Variants in WDR4 observed in about 807,000 individuals in gnomAD.
The protein encoded by WDR4 is tRNA (guanine-N(7)-)-methyltransferase non-catalytic subunit WDR4.
Under a neutral mutation model 48.6 loss-of-function variants are expected in WDR4, and 47 were observed. The observed-to-expected ratio is 0.97, with a 90% CI of 0.77 to 1.23. The LOEUF is 1.23. WDR4 is among the 50% of genes most tolerant of loss of function. The pLI is 0.00. For synonymous variants in WDR4, 268 were observed against 230.0 expected (o/e 1.17, Z -1.49); for missense variants, 606 against 551.6 (o/e 1.10, Z -0.99).
At chr21:42,866,813 C>T (rs186564012) in intron 3 of WDR4, among the ~76,000 whole-genome samples, 76 of 152,220 alleles carry the variant, frequency 5.0e-4, no homozygotes, top group African/African-American at 1.8e-3. Flanking sequence ...GTTCACAAAC[C>T]CACAATTCTA....
rs750545087 is a variant in WDR4 at position 42,860,027 on chromosome 21, C to T, written c.567-305G>A. ...CCAGAGACCCAAGCGCCTCTGTGCC[C>T]CTCTGCAGCCCCCTCTGCAGCAGCT... is the stretch of plus-strand genomic sequence containing the variant. On this transcript the variant is annotated intron_variant, in intron 5 of 10. Coordinates refer to ENST00000398208, the MANE Select transcript of WDR4 (RefSeq NM_018669.6). 7.9e-5 allele frequency among the ~76,000 whole-genome samples: 12 copies of T among 152,250 alleles called. No homozygotes were observed. The South Asian group carries it at 2.3e-3, about 29-fold the overall frequency.
At chr21:42,857,675 G>A (rs1356026830) in intron 6 of WDR4, among the ~76,000 whole-genome samples, 2 of 152,138 alleles carry the variant, frequency 1.3e-5, no homozygotes, top group Non-Finnish European at 2.9e-5. Context: ...AAGAACTAAA[G>A]ATTCAAAATA....
rs111650654 is a variant in WDR4 at position 42,863,845 on chromosome 21, A to G, written c.297-249T>C. 2.0e-3 allele frequency among the ~76,000 whole-genome samples: 304 copies of G among 149,924 alleles called. 1 individual carries two copies. Among genetic ancestry groups the G allele is most frequent in the African/African-American group, 3.2e-3 (130 of 40,152 alleles). On this transcript the variant is annotated intron_variant, in intron 3 of 10. Coordinates refer to ENST00000398208, the MANE Select transcript of WDR4 (RefSeq NM_018669.6). ...CTCCTAGCCGGGCGCAGTGGCTCAC[A>G]CCTGTAATCCCAGCACTTTGGGAGG...
intron 3 of WDR4, among the ~76,000 whole-genome samples, chr21:42,869,233 G>C (rs1011797758): frequency 2.6e-5 from 4 of 152,166 alleles, no homozygotes; most frequent in Non-Finnish European, 5.9e-5. Context: ...GGATAAAAAA[G>C]GCAAAAGGTA....
rs939897734 is a variant in WDR4, at chr21:42,849,861, G to C, written c.*188C>G. 7.5e-6 allele frequency: 5 copies of C among 662,840 alleles called. No homozygotes were observed. Among genetic ancestry groups the C allele is most frequent in the Admixed American group, 6.7e-5 (2 of 29,868 alleles). 41.1% of individuals were successfully genotyped at this position (662,840 alleles called of 1,614,324 possible). On this transcript the variant is annotated 3_prime_UTR_variant, in exon 11 of 11. Coordinates refer to ENST00000398208, the MANE Select transcript of WDR4 (RefSeq NM_018669.6). ...TCCCTTCAACCAGAAAGGGGGCACA[G>C]GCACCCAGCAAGAGCCTGTGCTGGT... is the stretch of plus-strand genomic sequence containing the variant.
intron 1 of WDR4, among the ~76,000 whole-genome samples, chr21:42,878,049 A>G (rs2146115735): frequency 6.6e-6 from 1 of 151,680 alleles, no homozygotes; most frequent in African/African-American, 2.4e-5. Flanking sequence ...CTCAAAAAAA[A>G]AAAAAAAGAA....
At chr21:42,879,375 G>C (rs767719513) in intron 1 of WDR4, 32 bp downstream of exon 1, 1 of 1,607,442 alleles carries the variant, frequency 6.2e-7, no homozygotes, top group South Asian at 1.1e-5. Flanking sequence ...CCGCAGCCTG[G>C]TCTCCCTGTT....
chr21:42,859,449 GCGAA>G (rs956252451), intron 6 of WDR4, among the ~76,000 whole-genome samples: 7 of 152,058 alleles, frequency 4.6e-5, no homozygotes, highest in Non-Finnish European at 2.9e-5. Flanking sequence ...CATCCCACAG[GCGAA>G]CACACACGCA....
At chr21:42,877,411 T>A (rs554091154) in intron 1 of WDR4, among the ~76,000 whole-genome samples, 1 of 149,878 alleles carries the variant, frequency 6.7e-6, no homozygotes, top group Non-Finnish European at 1.5e-5. Flanking sequence ...CCCAAAGTGC[T>A]GAGATTATAG....
At chr21:42,877,833 A>C (rs2058533014) in intron 1 of WDR4, among the ~76,000 whole-genome samples, 1 of 152,112 alleles carries the variant, frequency 6.6e-6, no homozygotes, top group Non-Finnish European at 1.5e-5. Flanking sequence ...TCACGAGGTC[A>C]GGAGATCGAG....
chr21:42,864,061 C>T (rs185770300), intron 3 of WDR4, among the ~76,000 whole-genome samples: 4,703 of 78,620 alleles, frequency 0.06, 1,075 homozygotes, highest in Middle Eastern at 0.12. Flanking sequence ...GAGCCGAGAT[C>T]CCGCCACCGC....
chr21:42,886,898 G>A, the WDR4 span: 6 of 152,256 alleles, frequency 3.9e-5, no homozygotes, highest in Non-Finnish European at 1.5e-5. Flanking sequence ...CTGGTAGGAT[G>A]TGTTTCCTGA....
the WDR4 span, among the ~76,000 whole-genome samples, chr21:42,884,899 C>T: frequency 6.6e-6 from 1 of 152,068 alleles, no homozygotes; most frequent in Non-Finnish European, 1.5e-5. Flanking sequence ...CCTCAGCCTC[C>T]CAAGTAGCTG....
chr21:42,890,541 AAAG>A, the WDR4 span, among the ~76,000 whole-genome samples: 2 of 152,240 alleles, frequency 1.3e-5, no homozygotes, highest in Non-Finnish European at 1.5e-5. Flanking sequence ...GTCTCAAAAA[AAAG>A]AAGTTTAACT....
chr21:42,857,973 A>C (rs1236633), intron 6 of WDR4, among the ~76,000 whole-genome samples: 152,155 of 152,240 alleles, frequency 1, 76,037 homozygotes, highest in Middle Eastern at 1. Flanking sequence ...TGCCTGTAAT[A>C]CTAGCTACTC....
At chr21:42,874,541 G>GAT (rs1395857060) in intron 2 of WDR4, among the ~76,000 whole-genome samples, 1 of 152,180 alleles carries the variant, frequency 6.6e-6, no homozygotes, top group African/African-American at 2.4e-5. Flanking sequence ...GCAAATGGGA[G>GAT]ATATATAGCT....
downstream of WDR4, among the ~76,000 whole-genome samples, chr21:42,848,725 G>C (rs62650038): frequency 1.9e-5 from 1 of 52,276 alleles, no homozygotes; most frequent in South Asian, 7.9e-4. Flanking sequence ...CACAGCGCAC[G>C]ATCACACGGC....
chr21:42,854,325 T>C (rs1051895433), intron 8 of WDR4, among the ~76,000 whole-genome samples: 1 of 152,240 alleles, frequency 6.6e-6, no homozygotes, highest in Non-Finnish European at 1.5e-5. Context: ...CAGAGGCTGC[T>C]GGTGCTCTTT....
intron 11 of WDR4, chr21:42,843,355 A>G (rs1037690248): frequency 6.8e-6 from 1 of 146,406 alleles, no homozygotes; most frequent in Admixed American, 6.8e-5. Context: ...GCTCGAGGGT[A>G]TTTTTTAAAG....
Sources: gnomAD v4.1 joint callset for allele counts (sites outside exome capture counted in the v4.1 genomes callset) on GRCh38, gnomAD v4.1.1 for gene constraint, MANE v1.5 for transcripts, NCBI Gene and HGNC (gene_info 2026-07-23, HGNC 2026-07-21) for gene names.